The following AHRR variants were observed in gnomAD, a reference collection of about 807,000 sequenced individuals.
AHRR encodes ahR repressor.
AHRR carries 28 observed loss-of-function variants against 44.0 expected under a neutral mutation model. That is an observed-to-expected ratio of 0.64 (90% CI 0.47 to 0.87). The LOEUF is 0.87. AHRR is among the 40% of genes least tolerant of loss of function. AHRR has a pLI of 0.00. For missense variants in AHRR, 990 were observed against 953.9 expected (o/e 1.04, Z -0.50); for synonymous variants, 434 against 407.0 (o/e 1.07, Z -0.80).
chr5:356,225 G>C (rs1743040926), intron 3 of AHRR, among the ~76,000 whole-genome samples: 1 of 152,188 alleles, frequency 6.6e-6, no homozygotes, highest in Non-Finnish European at 1.5e-5. Context: ...GTGAGGAGGA[G>C]ACAGTCTGCT....
At chr5:403,459 A>C (rs897252008) in intron 4 of AHRR, among the ~76,000 whole-genome samples, 1 of 152,126 alleles carries the variant, frequency 6.6e-6, no homozygotes, top group African/African-American at 2.4e-5. Flanking sequence ...AACATGGTGA[A>C]ACGCTGTCTC....
intron 5 of AHRR, 130 bp from the exon 6 acceptor site, chr5:422,598 TG>T: frequency 7.8e-7 from 1 of 1,279,890 alleles, no homozygotes; most frequent in Non-Finnish European, 1.1e-6. Context: ...GTCTCTTCGG[TG>T]GGATTCTCTC....
chr5:388,424 G>A lies in AHRR; in HGVS notation c.351+11708G>A, dbSNP rs370910473. Among the ~76,000 whole-genome samples the A allele has an allele frequency of 6.6e-6, 1 of 152,214 alleles. No individual in the cohort carries two copies. Among genetic ancestry groups the A allele is most frequent in the Non-Finnish European group, 1.5e-5 (1 of 68,028 alleles). Reference sequence around the variant, plus strand: ...GCCATTACCTCTGTTTATGCTTGGGGAAACTGAGGTGCTGTGAGGTTGTAT... The same window carrying A: ...GCCATTACCTCTGTTTATGCTTGGGAAAACTGAGGTGCTGTGAGGTTGTAT... On this transcript the variant is annotated intron_variant, in intron 4 of 10. Transcript: ENST00000684583. The surrounding 1 kb of genome is among the most constrained non-coding windows in gnomAD (Gnocchi z 5.2).
At chr5:349,348 C>T (rs529692202) in intron 2 of AHRR, among the ~76,000 whole-genome samples, 14 of 152,226 alleles carry the variant, frequency 9.2e-5, no homozygotes, top group African/African-American at 2.6e-4. Flanking sequence ...GAGGCCGAGG[C>T]GGGAGGACCA....
intron 1 of AHRR, among the ~76,000 whole-genome samples, chr5:325,170 C>A (rs1741661975): frequency 6.6e-6 from 1 of 152,240 alleles, no homozygotes; most frequent in African/African-American, 2.4e-5. Flanking sequence ...TGCCCCGCTT[C>A]ATCTTCCCAG....
intron 4 of AHRR, among the ~76,000 whole-genome samples, chr5:401,451 C>T (rs1031331789): frequency 2.0e-5 from 3 of 152,208 alleles, no homozygotes; most frequent in Non-Finnish European, 4.4e-5. Context: ...CCTCCATGGC[C>T]ACAAAGTCCC....
Position 387,039 on chromosome 5 carries a change from T to C in AHRR, c.351+10323T>C, listed in dbSNP as rs1014528168. On this transcript the variant is annotated intron_variant, in intron 4 of 10. Transcript: ENST00000684583. The surrounding 1 kb of genome is among the most constrained non-coding windows in gnomAD (Gnocchi z 5.1). ...TCCTTCTGGGAGCCTTGTTTCCATATCCGTTTGATTGTCAAAGCCTCTGCT... is the reference window on the plus strand; with the variant it reads ...TCCTTCTGGGAGCCTTGTTTCCATACCCGTTTGATTGTCAAAGCCTCTGCT... Among the ~76,000 whole-genome samples the C allele has an allele frequency of 2.0e-5, 3 of 152,240 alleles. No individual in the cohort carries two copies. The highest frequency in any genetic ancestry group is 7.2e-5 in the African/African-American group (3 of 41,472).
Position 395,935 on chromosome 5 carries a change from A to G in AHRR, c.352-17409A>G, listed in dbSNP as rs902807367. 2.0e-5 allele frequency among the ~76,000 whole-genome samples: 3 copies of G among 152,190 alleles called. No homozygotes were observed. Among genetic ancestry groups the G allele is most frequent in the African/African-American group, 4.8e-5 (2 of 41,458 alleles). On this transcript the variant is annotated intron_variant, in intron 4 of 10. Transcript: ENST00000684583. This position sits in a 1 kb window ranked among gnomAD's most constrained non-coding sequence, Gnocchi z 5.3. ...TGCCTGGCTCTAAGGGGCTCCTGGTACGAGGATTAGGAGGCCATGGGTCGT... is the reference window on the plus strand; with the variant it reads ...TGCCTGGCTCTAAGGGGCTCCTGGTGCGAGGATTAGGAGGCCATGGGTCGT...
chr5:413,239 A>G (rs1735542551), intron 4 of AHRR, 105 bp from the exon 5 acceptor site: 3 of 782,640 alleles, frequency 3.8e-6, no homozygotes, highest in African/African-American at 3.5e-5. Flanking sequence ...AATATGGACT[A>G]CAAAACAGGA....
At chr5:328,074 G>C (rs1490338058) in intron 1 of AHRR, among the ~76,000 whole-genome samples, 1 of 151,874 alleles carries the variant, frequency 6.6e-6, no homozygotes, top group African/African-American at 2.4e-5. Flanking sequence ...TGAGAATGAT[G>C]GTTTCCAGTT....
At chr5:344,862 C>A (rs545892940) in intron 2 of AHRR, among the ~76,000 whole-genome samples, 1 of 77,220 alleles carries the variant, frequency 1.3e-5, no homozygotes. Flanking sequence ...GTGTGTGAGA[C>A]TGTGCAGGTG....
At chr5:344,441 G>GA (rs1419283455) in intron 2 of AHRR, among the ~76,000 whole-genome samples, 27 of 28,898 alleles carry the variant, frequency 9.3e-4, no homozygotes, top group Non-Finnish European at 1.6e-3. Flanking sequence ...GGCTGTGGGG[G>GA]GCTGTGTGTG....
rs547748775 is a variant in AHRR, at chr5:400,006, T to C, written c.352-13338T>C. 3.3e-5 allele frequency among the ~76,000 whole-genome samples: 5 copies of C among 152,298 alleles called. No individual in the cohort carries two copies. In the East Asian group the frequency reaches 9.7e-4, roughly 29 times the overall value. On this transcript the variant is annotated intron_variant, in intron 4 of 10. Coordinates refer to ENST00000684583, the MANE Select transcript of AHRR (RefSeq NM_001377236.1). ...CCCATGGAGCGGCCCCTGTGAGTGA[T>C]CTGCCTCCAGGAGGCCGGGCCAGCT...
rs201402371 is a variant in AHRR at position 432,904 on chromosome 5, C to T, written c.1069C>T (p.Arg357Trp). The T allele has an allele frequency of 1.2e-4, 187 of 1,613,196 alleles. No individual in the cohort carries two copies. In the Admixed American group the frequency reaches 1.3e-3, roughly 11 times the overall value. ...CGCCAGGGCCCCATGCCTGTGCCTC[C>T]GGGGTGGCCCTGACCTTGTCCTTGA... The part of the protein sequence containing the change: ...VPARAPCLCL[R>W]GGPDLVLDPK... The change falls in exon 10 of 11, where the codon CGG becomes TGG. Residue 357 changes from arginine (R) to tryptophan (W), a missense_variant. Coordinates refer to ENST00000684583, the MANE Select transcript of AHRR (RefSeq NM_001377236.1).
At chr5:418,507 C>T (rs1343737278) in intron 5 of AHRR, among the ~76,000 whole-genome samples, 2 of 152,208 alleles carry the variant, frequency 1.3e-5, no homozygotes, top group Admixed American at 1.3e-4. Flanking sequence ...CTCGGTTCAG[C>T]AGCAGACCCT....
At chr5:366,833 T>C (rs374210512) in intron 3 of AHRR, among the ~76,000 whole-genome samples, 4 of 152,166 alleles carry the variant, frequency 2.6e-5, no homozygotes, top group East Asian at 3.9e-4. Flanking sequence ...CAGACCCAAA[T>C]TGAAGGGCAG....
At position 337,016 on chromosome 5, in the gene AHRR, T is replaced by C. The variant is rs1307252703; in HGVS notation, c.-10-6877T>C. Among the ~76,000 whole-genome samples, 1 of 152,222 alleles carries C rather than the reference T, an allele frequency of 6.6e-6. No homozygotes were observed. The highest frequency in any genetic ancestry group is 1.5e-5 in the Non-Finnish European group (1 of 68,048). On this transcript the variant is annotated intron_variant, in intron 1 of 10. Coordinates refer to ENST00000684583, the MANE Select transcript of AHRR (RefSeq NM_001377236.1). This position sits in a 1 kb window ranked among gnomAD's most constrained non-coding sequence, Gnocchi z 4.1. ...CTTGGTGCCCTTGTGGAAAATCAAT[T>C]GGTCATTGGTCATAATCAATTAGTA... is the stretch of plus-strand genomic sequence containing the variant.
At position 419,077 on chromosome 5, in the gene AHRR, C is replaced by T. The variant is rs1735955252; in HGVS notation, c.442-3652C>T. On this transcript the variant is annotated intron_variant, in intron 5 of 10. Transcript: ENST00000684583. This position sits in a 1 kb window ranked among gnomAD's most constrained non-coding sequence, Gnocchi z 4.4. Reference sequence around the variant, plus strand: ...CCTCATCCTGACCGTGACCACAAAGCTGAAGGAGTCTCTCTCTTCTATTGG... The same window carrying T: ...CCTCATCCTGACCGTGACCACAAAGTTGAAGGAGTCTCTCTCTTCTATTGG... 6.6e-6 allele frequency: 1 copy of T among 152,200 alleles called. No individual in the cohort carries two copies. The highest frequency in any genetic ancestry group is 2.4e-5 in the African/African-American group (1 of 41,416). 9.4% of individuals were successfully genotyped at this position (152,200 alleles called of 1,614,324 possible).
At chr5:378,637 ATGGAGGAGTGGGGAGAGGTGGGAGAC>A (rs1733847510) in intron 4 of AHRR, among the ~76,000 whole-genome samples, 1 of 152,118 alleles carries the variant, frequency 6.6e-6, no homozygotes, top group Non-Finnish European at 1.5e-5. Context: ...GAGTGGGAGG[ATGGAGGAGTGGGGAGAGGTGGGAGAC>A]TGGAGAGGGA....
Sources: allele counts gnomAD v4.1 joint callset (sites outside exome capture counted in the v4.1 genomes callset), GRCh38; gene constraint gnomAD v4.1.1; non-coding constraint Gnocchi (gnomAD v3.1); transcripts MANE v1.5; gene names NCBI Gene and HGNC (gene_info 2026-07-23, HGNC 2026-07-21).